Variants in DDX54 observed in about 807,000 individuals in gnomAD.
DDX54 encodes the protein ATP-dependent RNA helicase DDX54.
Under a neutral mutation model 105.5 loss-of-function variants are expected in DDX54, and 67 were observed. That is an observed-to-expected ratio of 0.64 (90% CI 0.52 to 0.78). DDX54 has a LOEUF of 0.78. Ranked by LOEUF, DDX54 falls within the 30% of genes least tolerant of loss-of-function variation. DDX54 has a pLI of 0.00. For missense variants in DDX54, 1,206 were observed against 1,230.5 expected, an observed-to-expected ratio of 0.98 and a Z score of 0.30; for synonymous variants, 514 against 509.9, an observed-to-expected ratio of 1.01 and a Z score of -0.11.
At chr12:113,164,511 C>T (rs1336973470) in intron 14 of DDX54, among the ~76,000 whole-genome samples, 2 of 150,500 alleles carry the variant, frequency 1.3e-5, no homozygotes, top group African/African-American at 2.5e-5. Context: ...GTCAGGAGTT[C>T]GAGACTAGCC....
At position 113,163,703 on chromosome 12, in the gene DDX54, A is replaced by G. The variant is rs535590056; in HGVS notation, c.1938+364T>C. On this transcript the variant is annotated intron_variant, in intron 15 of 19. Coordinates refer to ENST00000306014, the MANE Select transcript of DDX54 (RefSeq NM_024072.4). This position sits in a 1 kb window ranked among gnomAD's most constrained non-coding sequence, Gnocchi z 5.9. ...TCCAAACAAAACATGAGAGAGGGACATCCTGGGGGACGCACAGGCCCAGGA... is the reference window on the plus strand; with the variant it reads ...TCCAAACAAAACATGAGAGAGGGACGTCCTGGGGGACGCACAGGCCCAGGA... Among the ~76,000 whole-genome samples, 7 of 152,248 alleles carry G rather than the reference A, an allele frequency of 4.6e-5. No individual in the cohort carries two copies. Among genetic ancestry groups the G allele is most frequent in the Non-Finnish European group, 1.0e-4 (7 of 68,010 alleles).
intron 19 of DDX54, 42 bp from the exon 20 acceptor site, chr12:113,159,151 C>T (rs1314400456): frequency 6.5e-7 from 1 of 1,530,904 alleles, no homozygotes; most frequent in Admixed American, 1.9e-5. Flanking sequence ...GTTGGGATCA[C>T]TCCCAAGATC....
chr12:113,166,327 T>G (rs948536455), intron 12 of DDX54, among the ~76,000 whole-genome samples: 1 of 151,928 alleles, frequency 6.6e-6, no homozygotes. Flanking sequence ...GTTTTTGCAC[T>G]ACAAGGCCAG....
rs1952234191 is a variant in DDX54 at position 113,163,345 on chromosome 12, C to A, written c.1939-71G>T. 2 of 1,544,054 alleles carry A rather than the reference C, an allele frequency of 1.3e-6. No individual in the cohort carries two copies. On this transcript the variant is annotated intron_variant, in intron 15 of 19. Coordinates refer to ENST00000306014, the MANE Select transcript of DDX54 (RefSeq NM_024072.4). This position sits in a 1 kb window ranked among gnomAD's most constrained non-coding sequence, Gnocchi z 5.9. ...TGGGGACTTCCCCCTGCCTCCCTACCCACCAGCCTGGCCACAGTGAGGGGC... is the reference window on the plus strand; with the variant it reads ...TGGGGACTTCCCCCTGCCTCCCTACACACCAGCCTGGCCACAGTGAGGGGC...
At chr12:113,164,321 C>G in intron 14 of DDX54, 36 bp from the exon 15 acceptor site, 1 of 1,539,674 alleles carries the variant, frequency 6.5e-7, no homozygotes, top group Non-Finnish European at 8.7e-7. Flanking sequence ...GCCCACTGGC[C>G]TCCTACTCCT....
chr12:113,165,331 A>T (rs1952257881), intron 14 of DDX54, among the ~76,000 whole-genome samples: 1 of 152,180 alleles, frequency 6.6e-6, no homozygotes, highest in Admixed American at 6.5e-5. Flanking sequence ...ACAGACCAGA[A>T]GCATGTCACT....
rs748939248 is a variant in DDX54, at chr12:113,169,852, A to G, written c.1332T>C (p.Pro444=). The G allele has an allele frequency of 2.5e-6, 4 of 1,614,026 alleles. No homozygotes were observed. The Admixed American group carries it at 6.7e-5, about 27-fold the overall frequency. Residue 444 remains proline (P), a synonymous_variant, in exon 12 of 20, where the codon CCT becomes CCC. Transcript: ENST00000306014. ...RSGTAYSLVA[P]DEIPYLLDLH... Reference sequence around the variant, plus strand: ...GATCCAGCAGGTAGGGGATTTCATCAGGGGCCACCAAGGAGTAGGCTGTGC... The same window carrying G: ...GATCCAGCAGGTAGGGGATTTCATCGGGGGCCACCAAGGAGTAGGCTGTGC...
chr12:113,177,040 C>T lies in DDX54; in HGVS notation c.656+12G>A, dbSNP rs1952412946. On this transcript the variant is annotated intron_variant, in intron 6 of 19. Coordinates refer to ENST00000306014, the MANE Select transcript of DDX54 (RefSeq NM_024072.4). ...GGGATCTCAGGGAGTCATCCCCAAT[C>T]CACAAACTCACATGTCGGGATTTTC... is the stretch of plus-strand genomic sequence containing the variant. 1 of 1,614,134 alleles carries T rather than the reference C, an allele frequency of 6.2e-7. No individual in the cohort carries two copies. The highest frequency in any genetic ancestry group is 8.5e-7 in the Non-Finnish European group (1 of 1,180,018).
chr12:113,162,840 C>T (rs1002109013), intron 17 of DDX54, 92 bp downstream of exon 17: 15 of 1,248,032 alleles, frequency 1.2e-5, no homozygotes, highest in East Asian at 2.5e-5. Context: ...GAGGGAGGGG[C>T]GGCTCACTCG....
chr12:113,174,841 A>G (rs1293390628), intron 9 of DDX54, 34 bp downstream of exon 9: 2 of 1,614,200 alleles, frequency 1.2e-6, no homozygotes, highest in South Asian at 2.2e-5. Context: ...CCACCTGGAC[A>G]CAACCTCCTG....
chr12:113,178,529 T>G, intron 5 of DDX54: 1 of 157,600 alleles, frequency 6.3e-6, no homozygotes, highest in Non-Finnish European at 1.4e-5. Context: ...CTTCTTGGGT[T>G]TTTGTTTTGT....
chr12:113,161,555 G>A, intron 18 of DDX54, 173 bp from the exon 19 acceptor site: 1 of 602,030 alleles, frequency 1.7e-6, no homozygotes, highest in Admixed American at 3.0e-5. Context: ...AAGCTGCTCG[G>A]CCCCGCCCCC....
At chr12:113,177,416 A>T in intron 5 of DDX54, 2 of 302,990 alleles carry the variant, frequency 6.6e-6, no homozygotes, top group South Asian at 6.4e-5. Context: ...CTAACCCCAG[A>T]ACTACCAGCC....
In DDX54 at chr12:113,157,532, G is replaced by T; in HGVS notation, c.*1345C>A. Reference sequence around the variant, plus strand: ...CCCGCCCTACCTTTCGGCCTCCCCCGCGTGTTGAGGGGTGGGGGCTGGACA... The same window carrying T: ...CCCGCCCTACCTTTCGGCCTCCCCCTCGTGTTGAGGGGTGGGGGCTGGACA... On this transcript the variant is annotated 3_prime_UTR_variant, in exon 20 of 20. Coordinates refer to ENST00000306014, the MANE Select transcript of DDX54 (RefSeq NM_024072.4). 1.5e-6 allele frequency: 2 copies of T among 1,308,638 alleles called. No individual in the cohort carries two copies. The highest frequency in any genetic ancestry group is 2.2e-6 in the Non-Finnish European group (2 of 928,082). The allele number at this position is 1,308,638 out of a possible 1,614,324, so 81.1% of individuals were successfully genotyped here. A position where few individuals can be genotyped will look rare whatever the true frequency, so the allele number is the denominator to read the frequency against.
rs756184748 is a variant in DDX54, at chr12:113,185,438, T to C, written c.14A>G (p.Lys5Arg). The C allele has an allele frequency of 7.3e-6, 11 of 1,508,370 alleles. No homozygotes were observed. The highest frequency in any genetic ancestry group is 8.8e-6 in the Non-Finnish European group (10 of 1,131,704). 93.4% of individuals were successfully genotyped at this position (1,508,370 alleles called of 1,614,324 possible). The change falls in exon 1 of 20, where the codon AAG becomes AGG. Residue 5 changes from lysine (K) to arginine (R), a missense_variant. Lys to Arg is a conservative substitution (Grantham distance 26). Around this residue, in one of 3 missense-constraint regions of DDX54, gnomAD observed 212 missense variants for 155.4 expected, o/e 1.36. Transcript: ENST00000306014. ...CGACCGAGGTCCAGCCGCCGGGCCC[T>C]TGTCGGCCGCCATTCGGGCCGCGCG... MAAD[K>R]GPAAGPRSRA...
At chr12:113,171,783 T>G (rs1387718443) in intron 11 of DDX54, among the ~76,000 whole-genome samples, 1 of 152,146 alleles carries the variant, frequency 6.6e-6, no homozygotes, top group Non-Finnish European at 1.5e-5. Flanking sequence ...GACGGCCATG[T>G]CATCAGAGAG....
chr12:113,179,168 AG>A lies in DDX54; in HGVS notation c.538del (p.Leu180CysfsTer4), dbSNP rs765993347. ...CTCCTTAGTGAACTTCAGGGTCTGC[AG>A]GGCCAGCTCTCGGGTCGGCGAGAGG... is the stretch of plus-strand genomic sequence containing the variant. ...LILSPTRELA[L>X]QTLKFTKELG... On this transcript the variant is annotated frameshift_variant, in exon 4 of 20. Coordinates refer to ENST00000306014, the MANE Select transcript of DDX54 (RefSeq NM_024072.4). LOFTEE classifies it high-confidence loss of function. The A allele has an allele frequency of 1.9e-6, 3 of 1,613,884 alleles. No individual in the cohort carries two copies. Among genetic ancestry groups the A allele is most frequent in the Non-Finnish European group, 2.5e-6 (3 of 1,179,950 alleles).
rs58314625 is a variant in DDX54, at chr12:113,182,541, A to G, written c.175-1483T>C. Reference sequence around the variant, plus strand: ...CCTGCAATAGCTACTGAATGTATGAACAGCATGTCCTTCAGTCTTCTTCTT... The same window carrying G: ...CCTGCAATAGCTACTGAATGTATGAGCAGCATGTCCTTCAGTCTTCTTCTT... On this transcript the variant is annotated intron_variant, in intron 1 of 19. Transcript: ENST00000306014. Among the ~76,000 whole-genome samples the G allele has an allele frequency of 6.4e-3, 977 of 151,916 alleles. 19 individuals carry two copies. Among genetic ancestry groups the G allele is most frequent in the African/African-American group, 0.021 (886 of 41,478 alleles).
intron 11 of DDX54, among the ~76,000 whole-genome samples, chr12:113,171,690 TG>T (rs1291519417): frequency 1.5e-4 from 23 of 151,418 alleles, no homozygotes; most frequent in Non-Finnish European, 2.9e-4. Flanking sequence ...CACTGGGAAA[TG>T]GCAAAATGCT....
Sources: gnomAD v4.1 joint callset for allele counts (sites outside exome capture counted in the v4.1 genomes callset) on GRCh38, gnomAD v4.1.1 for gene constraint, gnomAD v4.1.1 regional missense constraint, Gnocchi (gnomAD v3.1) non-coding constraint, MANE v1.5 for transcripts, NCBI Gene and HGNC (gene_info 2026-07-23, HGNC 2026-07-21) for gene names.